The following LINGO2 variants were observed in gnomAD, a reference collection of about 807,000 sequenced individuals.
LINGO2 encodes leucine-rich repeat and immunoglobulin-like domain-containing nogo receptor-interacting protein 2.
LINGO2 carries 14 observed loss-of-function variants against 30.6 expected under a neutral mutation model. That is an observed-to-expected ratio of 0.46 (90% CI 0.30 to 0.72). The LOEUF (loss-of-function observed/expected upper bound fraction) is 0.72, where lower values mean the gene tolerates loss of function less well. LINGO2 is among the 30% of genes least tolerant of loss of function. The probability of loss-of-function intolerance (pLI) is 0.07; values close to 1 mark genes in which losing one functional copy is unlikely to be tolerated. For synonymous variants in LINGO2, 317 were observed against 288.5 expected, an observed-to-expected ratio of 1.10 and a Z score of -1.00; for missense variants, 729 against 751.7, an observed-to-expected ratio of 0.97 and a Z score of 0.35.
At position 28,139,610 on chromosome 9, in the gene LINGO2, GAATTT is replaced by G. The variant is rs369819625; in HGVS notation, c.-86-127210_-86-127206del. ...GATTCTTCAGTTGGTCCTTTTCATT[GAATTT>G]ATTTCTTCCTACTGTGAGATTTAAT... On this transcript the variant is annotated intron_variant, in intron 4 of 5. Transcript: ENST00000379992. 6.0e-3 allele frequency among the ~76,000 whole-genome samples: 920 copies of G among 152,176 alleles called. 34 individuals are homozygous for G. Among genetic ancestry groups the G allele is most frequent in the Admixed American group, 0.048 (736 of 15,268 alleles).
At chr9:28,564,024 C>T (rs142469949) in intron 1 of LINGO2, among the ~76,000 whole-genome samples, 16 of 152,246 alleles carry the variant, frequency 1.1e-4, no homozygotes, top group South Asian at 2.1e-4. Context: ...TCTGCACATA[C>T]GTGTTTAAAT....
the LINGO2 span, among the ~76,000 whole-genome samples, chr9:29,021,448 G>A: frequency 1.3e-5 from 2 of 152,090 alleles, no homozygotes; most frequent in Non-Finnish European, 2.9e-5. Context: ...ATGAGGTCAG[G>A]TGTTCAAGAC....
the LINGO2 span, among the ~76,000 whole-genome samples, chr9:28,983,318 C>CAAAAAAA: frequency 7.6e-6 from 1 of 130,980 alleles, no homozygotes; most frequent in Non-Finnish European, 1.6e-5. Context: ...ATGAGGTATC[C>CAAAAAAA]AAAAAAAAAA....
intron 4 of LINGO2, among the ~76,000 whole-genome samples, chr9:28,220,739 C>T (rs1820928600): frequency 6.6e-6 from 1 of 152,056 alleles, no homozygotes; most frequent in Admixed American, 6.6e-5. Flanking sequence ...CCAGATATAT[C>T]AGAAATGCCT....
chr9:29,080,807 G>C, the LINGO2 span, among the ~76,000 whole-genome samples: 1 of 152,110 alleles, frequency 6.6e-6, no homozygotes. Flanking sequence ...TGGTCTGAGA[G>C]ACAGTTTGTT....
chr9:28,792,252 G>T, the LINGO2 span, among the ~76,000 whole-genome samples: 2 of 151,970 alleles, frequency 1.3e-5, no homozygotes, highest in East Asian at 3.9e-4. Flanking sequence ...AAGAAAGAAG[G>T]TGAAAGATCT....
intron 1 of LINGO2, among the ~76,000 whole-genome samples, chr9:28,565,514 T>TA (rs1823329542): frequency 6.7e-6 from 1 of 149,938 alleles, no homozygotes; most frequent in Non-Finnish European, 1.5e-5. Flanking sequence ...TTTTTTTTTT[T>TA]ACAGACATCT....
chr9:28,777,821 G>C, the LINGO2 span, among the ~76,000 whole-genome samples: 1 of 152,210 alleles, frequency 6.6e-6, no homozygotes, highest in South Asian at 2.1e-4. Context: ...AGCTGCCAAA[G>C]CAAGGGACTT....
At chr9:28,038,744 C>G (rs890146450) in intron 4 of LINGO2, among the ~76,000 whole-genome samples, 1 of 151,762 alleles carries the variant, frequency 6.6e-6, no homozygotes, top group Non-Finnish European at 1.5e-5. Flanking sequence ...TGTAGTAGAC[C>G]CAAGCAGTGT....
At chr9:28,672,050 T>G (rs1332929109), upstream of LINGO2, among the ~76,000 whole-genome samples, 1 of 152,162 alleles carries the variant, frequency 6.6e-6, no homozygotes, top group East Asian at 1.9e-4. Flanking sequence ...GAAGATGCTT[T>G]ATAGCCAAAT....
chr9:27,946,877 C>T (rs896801081), downstream of LINGO2, among the ~76,000 whole-genome samples: 9 of 152,236 alleles, frequency 5.9e-5, no homozygotes, highest in African/African-American at 2.2e-4. Context: ...ATGGGTTTAA[C>T]TCTGTTGCTA....
intron 2 of LINGO2, among the ~76,000 whole-genome samples, chr9:28,400,789 GAAC>G (rs1016049378): frequency 2.9e-4 from 44 of 152,022 alleles, no homozygotes; most frequent in African/African-American, 1.0e-3. Flanking sequence ...AAATTTAAGA[GAAC>G]AACACGAGTA....
chr9:29,187,438 A>C, the LINGO2 span, among the ~76,000 whole-genome samples: 1 of 152,194 alleles, frequency 6.6e-6, no homozygotes, highest in Non-Finnish European at 1.5e-5. Context: ...TAAGCATACT[A>C]TTTATATTCA....
At chr9:28,690,843 T>C in the LINGO2 span, among the ~76,000 whole-genome samples, 22 of 152,180 alleles carry the variant, frequency 1.4e-4, no homozygotes, top group African/African-American at 5.1e-4. Flanking sequence ...AATAGCTTAA[T>C]TCCATTTGCA....
intron 5 of LINGO2, among the ~76,000 whole-genome samples, chr9:27,953,253 A>G (rs1436494789): frequency 1.3e-5 from 2 of 152,190 alleles, no homozygotes; most frequent in Non-Finnish European, 2.9e-5. Flanking sequence ...TCTAAGTTCA[A>G]TATGTTAATT....
At chr9:28,481,308 G>A (rs1000472433) in intron 1 of LINGO2, among the ~76,000 whole-genome samples, 20 of 152,164 alleles carry the variant, frequency 1.3e-4, no homozygotes, top group African/African-American at 4.8e-4. Context: ...ACATGGAGAT[G>A]TTATGGCTAC....
rs370720366 is a variant in LINGO2 at position 28,004,098 on chromosome 9, T to A, written c.-36+8257A>T. On this transcript the variant is annotated intron_variant, in intron 5 of 5. Coordinates refer to ENST00000379992, the Ensembl canonical transcript of LINGO2. ...CCTTCAGTATGAGAATTATAATTTGTACGATATCTGTCTTGGAACATCTTG... is the reference window on the plus strand; with the variant it reads ...CCTTCAGTATGAGAATTATAATTTGAACGATATCTGTCTTGGAACATCTTG... Among the ~76,000 whole-genome samples, 14 of 152,302 alleles carry A rather than the reference T, an allele frequency of 9.2e-5. No homozygotes were observed. In the East Asian group the frequency reaches 1.2e-3, roughly 13 times the overall value.
the LINGO2 span, among the ~76,000 whole-genome samples, chr9:28,706,451 G>T: frequency 6.6e-6 from 1 of 152,056 alleles, no homozygotes; most frequent in African/African-American, 2.4e-5. Context: ...ATGTTACTTA[G>T]GATTAGTCTA....
chr9:28,540,609 A>T (rs1821647765), intron 1 of LINGO2, among the ~76,000 whole-genome samples: 1 of 152,154 alleles, frequency 6.6e-6, no homozygotes, highest in Admixed American at 6.5e-5. Flanking sequence ...ATCTAAAGAA[A>T]TAATACCATC....
Sources: gnomAD v4.1 joint callset for allele counts (sites outside exome capture counted in the v4.1 genomes callset) on GRCh38, gnomAD v4.1.1 for gene constraint, MANE v1.5 for transcripts, NCBI Gene and HGNC (gene_info 2026-07-23, HGNC 2026-07-21) for gene names.